Variants in CDV3 observed in about 807,000 individuals in gnomAD.
CDV3 encodes protein CDV3 homolog.
Under a neutral mutation model 24.5 loss-of-function variants are expected in CDV3, and 14 were observed. The ratio of observed to expected loss-of-function variants is 0.57; its 90% CI spans 0.38 to 0.89. The LOEUF (loss-of-function observed/expected upper bound fraction) is 0.89, where lower values mean the gene tolerates loss of function less well. Ranked by LOEUF, CDV3 falls within the 40% of genes least tolerant of loss-of-function variation. CDV3 has a pLI of 0.00. For synonymous variants in CDV3, 114 were observed against 114.1 expected, an observed-to-expected ratio of 1.00 and a Z score of 0.00; for missense variants, 304 against 310.2, an observed-to-expected ratio of 0.98 and a Z score of 0.15.
intron 2 of CDV3, among the ~76,000 whole-genome samples, chr3:133,579,792 C>T (rs2074947582): frequency 6.6e-6 from 1 of 152,060 alleles, no homozygotes; most frequent in Non-Finnish European, 1.5e-5. Context: ...AGTGTTTGAC[C>T]ATGTTGGTCA....
chr3:133,575,785 T>C (rs866496206), intron 2 of CDV3, among the ~76,000 whole-genome samples: 15 of 152,244 alleles, frequency 9.9e-5, no homozygotes, highest in African/African-American at 3.6e-4. Flanking sequence ...GTTTAGAAGA[T>C]TTGAAATTAA....
Position 133,588,432 on chromosome 3 carries a change from T to A in CDV3, c.*386T>A. On this transcript the variant is annotated 3_prime_UTR_variant, in exon 5 of 5. Transcript: ENST00000264993. ...CTTCATGTGGATCACAACTTCTGGA[T>A]AAGAAGATTACAACTATTAAGTGTC... The A allele has an allele frequency of 2.1e-6, 3 of 1,416,480 alleles. No individual in the cohort carries two copies. The highest frequency in any genetic ancestry group is 2.9e-6 in the Non-Finnish European group (3 of 1,038,498). The allele number at this position is 1,416,480 out of a possible 1,614,324, so 87.7% of individuals were successfully genotyped here.
chr3:133,582,577 A>G (rs1484343202), intron 2 of CDV3, among the ~76,000 whole-genome samples: 2 of 152,262 alleles, frequency 1.3e-5, no homozygotes, highest in Non-Finnish European at 2.9e-5. Context: ...TAGAAATGGA[A>G]GGAAAGCATC....
intron 2 of CDV3, among the ~76,000 whole-genome samples, chr3:133,578,670 C>T (rs1039712767): frequency 2.0e-5 from 3 of 152,194 alleles, no homozygotes; most frequent in Admixed American, 2.0e-4. Context: ...AGCCTCCAGG[C>T]CAGGCATAGC....
At position 133,574,002 on chromosome 3, in the gene CDV3, C is replaced by G. The variant is rs1277766948; in HGVS notation, c.-43C>G. On this transcript the variant is annotated 5_prime_UTR_variant, in exon 1 of 5. Coordinates refer to ENST00000264993, the MANE Select transcript of CDV3 (RefSeq NM_017548.5). ...CGAGCTCGGAGCCCCGCGGGCCGCG[C>G]CCGCCGCCGGCCCCACCCATCCGGG... is the stretch of plus-strand genomic sequence containing the variant. 9.7e-7 allele frequency: 1 copy of G among 1,027,410 alleles called. No homozygotes were observed. The highest frequency in any genetic ancestry group is 1.7e-5 in the African/African-American group (1 of 57,736). 63.6% of individuals were successfully genotyped at this position (1,027,410 alleles called of 1,614,324 possible).
At position 133,584,022 on chromosome 3, in the gene CDV3, A is replaced by G; in HGVS notation, c.338A>G (p.Asp113Gly). 1.2e-6 allele frequency: 2 copies of G among 1,605,664 alleles called. No individual in the cohort carries two copies. Among genetic ancestry groups the G allele is most frequent in the Non-Finnish European group, 1.7e-6 (2 of 1,177,420 alleles). ...MQISSEKEED[D>G]NEKRQDPGDN... ...TCCAGCAGTGAAAAGGAAGAAGACG[A>G]TAATGAAAAGAGACAAGATCCAGGT... is the stretch of plus-strand genomic sequence containing the variant. Residue 113 changes from aspartate to glycine, a missense_variant, in exon 3 of 5, where the codon GAT (aspartate) becomes GGT (glycine). By Grantham distance (94) the Asp-to-Gly change is moderately conservative. Transcript: ENST00000264993.
At chr3:133,576,210 A>G (rs1173412709) in intron 2 of CDV3, among the ~76,000 whole-genome samples, 1 of 152,230 alleles carries the variant, frequency 6.6e-6, no homozygotes, top group Admixed American at 6.5e-5. Context: ...TGAAACCCCC[A>G]GATTGATAAT....
rs950289044 is a variant in CDV3, at chr3:133,573,964, C to T, written c.-81C>T. The T allele has an allele frequency of 9.0e-6, 9 of 995,704 alleles. No homozygotes were observed. Among genetic ancestry groups the T allele is most frequent in the Non-Finnish European group, 1.1e-5 (9 of 836,684 alleles). 61.7% of individuals were successfully genotyped at this position (995,704 alleles called of 1,614,324 possible). On this transcript the variant is annotated 5_prime_UTR_variant, in exon 1 of 5. Transcript: ENST00000264993. Reference sequence around the variant, plus strand: ...CGCGCCCGGCAGCGTGAGCGCAGAGCCGGCCTCGACCCCGAGCTCGGAGCC... The same window carrying T: ...CGCGCCCGGCAGCGTGAGCGCAGAGTCGGCCTCGACCCCGAGCTCGGAGCC...
chr3:133,574,448 A>G (rs1251694646), intron 1 of CDV3, 164 bp downstream of exon 1: 3 of 986,106 alleles, frequency 3.0e-6, no homozygotes, highest in East Asian at 2.3e-4. Context: ...TGGGCTCGCC[A>G]GGGCCGGGAC....
chr3:133,575,130 C>T lies in CDV3; in HGVS notation c.317+15C>T, dbSNP rs778828286. ...ATGCAAATAAGGTATAGTCTGGTTA[C>T]AAATGTGTTTAGATAACCTTTGGGA... On this transcript the variant is annotated intron_variant, in intron 2 of 4. Transcript: ENST00000264993. 25 of 1,416,470 alleles carry T rather than the reference C, an allele frequency of 1.8e-5. No individual in the cohort carries two copies. In the East Asian group the frequency reaches 5.7e-4, roughly 32 times the overall value. The allele number at this position is 1,416,470 out of a possible 1,614,324, so 87.7% of individuals were successfully genotyped here.
At position 133,588,812 on chromosome 3, in the gene CDV3, T is replaced by A; in HGVS notation, c.*766T>A. ...AATCTTGGGGGTTTTTTTTTTTTGG[T>A]AATTTTTTTATTTGGATAGTGCTTT... is the stretch of plus-strand genomic sequence containing the variant. On this transcript the variant is annotated 3_prime_UTR_variant, in exon 5 of 5. Transcript: ENST00000264993. The A allele has an allele frequency of 6.3e-6, 1 of 159,222 alleles. No homozygotes were observed. 9.9% of individuals were successfully genotyped at this position (159,222 alleles called of 1,614,324 possible).
chr3:133,582,919 A>T (rs1163372145), intron 2 of CDV3, among the ~76,000 whole-genome samples: 1 of 152,236 alleles, frequency 6.6e-6, no homozygotes, highest in Non-Finnish European at 1.5e-5. Flanking sequence ...TTGTCAAGAG[A>T]CAAAAGATAA....
chr3:133,590,073 T>C lies in CDV3; in HGVS notation c.*2027T>C, dbSNP rs1415929948. ...TCTGAAGACCTGCAGCAGATTTAAA[T>C]TACAACTCTTGTTATAACTTTTTAA... On this transcript the variant is annotated 3_prime_UTR_variant, in exon 5 of 5. Coordinates refer to ENST00000264993, the MANE Select transcript of CDV3 (RefSeq NM_017548.5). 1 of 152,200 alleles carries C rather than the reference T, an allele frequency of 6.6e-6. No homozygotes were observed. The highest frequency in any genetic ancestry group is 1.5e-5 in the Non-Finnish European group (1 of 68,042). 9.4% of individuals were successfully genotyped at this position (152,200 alleles called of 1,614,324 possible).
intron 3 of CDV3, among the ~76,000 whole-genome samples, chr3:133,584,421 T>C (rs1933378160): frequency 6.6e-6 from 1 of 152,222 alleles, no homozygotes. Context: ...TTTATTGGAA[T>C]TGAGCATTTC....
At chr3:133,580,265 C>A (rs1173385222) in intron 2 of CDV3, among the ~76,000 whole-genome samples, 2 of 152,136 alleles carry the variant, frequency 1.3e-5, no homozygotes, top group Non-Finnish European at 2.9e-5. Flanking sequence ...ATGATGGTTT[C>A]CAGCTTTATC....
chr3:133,578,220 G>A (rs1000129865), intron 2 of CDV3, among the ~76,000 whole-genome samples: 38 of 152,120 alleles, frequency 2.5e-4, no homozygotes, highest in African/African-American at 8.9e-4. Context: ...ACTCCTGGCC[G>A]CAAGTGATCT....
chr3:133,574,329 G>C lies in CDV3; in HGVS notation c.240+45G>C, dbSNP rs1415844728. 2.0e-4 allele frequency: 186 copies of C among 920,492 alleles called. 3 individuals are homozygous for C. The South Asian group carries it at 7.6e-3, about 37-fold the overall frequency. 57.0% of individuals were successfully genotyped at this position (920,492 alleles called of 1,614,324 possible). On this transcript the variant is annotated intron_variant, in intron 1 of 4. Coordinates refer to ENST00000264993, the MANE Select transcript of CDV3 (RefSeq NM_017548.5). ...GCACTCGGGGCCCGGGCCGCGCGCC[G>C]GCGCCCCATGTGCCCGCCCCCGCCT...
intron 2 of CDV3, among the ~76,000 whole-genome samples, chr3:133,581,622 T>TGCCATG (rs1933033070): frequency 6.6e-6 from 1 of 152,180 alleles, no homozygotes; most frequent in Non-Finnish European, 1.5e-5. Flanking sequence ...ATGTTCAAAG[T>TGCCATG]TTCCTGGCTG....
At chr3:133,585,877 A>G (rs1405824930) in intron 3 of CDV3, among the ~76,000 whole-genome samples, 2 of 152,188 alleles carry the variant, frequency 1.3e-5, no homozygotes, top group African/African-American at 2.4e-5. Context: ...CAGTCCACCA[A>G]TCAGGTAAAG....
Sources: gnomAD v4.1 joint callset for allele counts (sites outside exome capture counted in the v4.1 genomes callset) on GRCh38, gnomAD v4.1.1 for gene constraint, MANE v1.5 for transcripts, NCBI Gene and HGNC (gene_info 2026-07-23, HGNC 2026-07-21) for gene names.